The following NR3C2 variants were observed in gnomAD, a reference collection of about 807,000 sequenced individuals.
NR3C2 encodes mineralocorticoid receptor.
A neutral mutation model predicts 86.4 loss-of-function variants in NR3C2; 15 were observed. The observed-to-expected ratio is 0.17, with a 90% CI of 0.12 to 0.27. The LOEUF (loss-of-function observed/expected upper bound fraction) is 0.27, where lower values mean the gene tolerates loss of function less well. Among genes scored for constraint, NR3C2 ranks in the 10% least tolerant of loss-of-function variants. The pLI, the probability that NR3C2 is intolerant of heterozygous loss-of-function variation, is 1.00. For synonymous variants in NR3C2, 458 were observed against 450.5 expected, an observed-to-expected ratio of 1.02 and a Z score of -0.21; for missense variants, 960 against 1,195.6, an observed-to-expected ratio of 0.80 and a Z score of 2.91.
At chr4:148,136,055 T>C (rs1359169031) in intron 6 of NR3C2, among the ~76,000 whole-genome samples, 2 of 10,326 alleles carry the variant, frequency 1.9e-4, no homozygotes, top group Admixed American at 1.4e-3. Context: ...AGACTCCGTC[T>C]CAAAAAAAAA....
intron 2 of NR3C2, among the ~76,000 whole-genome samples, chr4:148,352,603 A>T (rs72656846): frequency 3.3e-5 from 5 of 152,158 alleles, no homozygotes; most frequent in Admixed American, 6.6e-5. Flanking sequence ...ATGAGACATC[A>T]TGTACATTTG....
chr4:148,307,170 C>CA lies in NR3C2; in HGVS notation c.1758-47054dup, dbSNP rs5862834. On this transcript the variant is annotated intron_variant, in intron 2 of 8. Transcript: ENST00000358102. Reference sequence around the variant, plus strand: ...ATATTACATTATTAGGTTAAAAATGCAAAAAAAAAACTTGGCAAAGAGAAA... The same window carrying CA: ...ATATTACATTATTAGGTTAAAAATGCAAAAAAAAAAACTTGGCAAAGAGAAA... Among the ~76,000 whole-genome samples the CA allele has an allele frequency of 2.1e-3, 320 of 150,702 alleles. 1 individual carries two copies. The highest frequency in any genetic ancestry group is 6.8e-3 in the Middle Eastern group (2 of 292).
chr4:148,090,991 G>T (rs897240731), intron 8 of NR3C2, among the ~76,000 whole-genome samples: 1 of 152,246 alleles, frequency 6.6e-6, no homozygotes, highest in Non-Finnish European at 1.5e-5. Context: ...AGTGGATGGG[G>T]GTGGTGTCAC....
At chr4:148,367,424 G>C (rs1355612) in intron 2 of NR3C2, among the ~76,000 whole-genome samples, 2,941 of 152,180 alleles carry the variant, frequency 0.019, 97 homozygotes, top group African/African-American at 0.068. Flanking sequence ...AGATTAAAAA[G>C]TTTAAAGGTA....
At chr4:148,093,802 A>G (rs1366716914) in intron 8 of NR3C2, among the ~76,000 whole-genome samples, 4 of 152,222 alleles carry the variant, frequency 2.6e-5, no homozygotes, top group African/African-American at 9.6e-5. Context: ...ATTCTTGGAT[A>G]TGGCACCAAA....
At chr4:148,432,804 G>T (rs566324872) in intron 2 of NR3C2, among the ~76,000 whole-genome samples, 1 of 152,196 alleles carries the variant, frequency 6.6e-6, no homozygotes, top group African/African-American at 2.4e-5. Flanking sequence ...CTGAACTCTA[G>T]AAAAACAACT....
At chr4:148,313,417 A>G (rs1217631345) in intron 2 of NR3C2, among the ~76,000 whole-genome samples, 1 of 152,202 alleles carries the variant, frequency 6.6e-6, no homozygotes, top group Non-Finnish European at 1.5e-5. Context: ...TATGTTCCAT[A>G]AGAGACCTTT....
chr4:148,193,145 C>T (rs1248465453), intron 4 of NR3C2, among the ~76,000 whole-genome samples: 1 of 152,232 alleles, frequency 6.6e-6, no homozygotes, highest in Non-Finnish European at 1.5e-5. Context: ...AGAGAGCTCC[C>T]AGGACCTTGC....
At chr4:148,363,506 C>CTTTTTTTTTTTT (rs58978966) in intron 2 of NR3C2, among the ~76,000 whole-genome samples, 1,186 of 110,650 alleles carry the variant, frequency 0.011, 89 homozygotes, top group African/African-American at 0.039. Flanking sequence ...TCATAGATCT[C>CTTTTTTTTTTTT]TTTTTTTTTT....
At chr4:148,312,441 T>G (rs1579139623) in intron 2 of NR3C2, among the ~76,000 whole-genome samples, 1 of 152,334 alleles carries the variant, frequency 6.6e-6, no homozygotes, top group East Asian at 1.9e-4. Flanking sequence ...AGGGCCTTTC[T>G]TTCCCTGCAG....
At chr4:148,111,955 A>T (rs933647568) in intron 8 of NR3C2, among the ~76,000 whole-genome samples, 2 of 152,160 alleles carry the variant, frequency 1.3e-5, no homozygotes, top group Admixed American at 1.3e-4. Context: ...AAAATTGTGG[A>T]CTTTAAATTT....
Position 148,266,471 on chromosome 4 carries a change from A to T in NR3C2, c.1758-6354T>A, listed in dbSNP as rs62332041. ...GTGCAAAGTCTCTGAGACAGGAATG[A>T]ATGCAACACATTCCAGAGAGAAAAA... On this transcript the variant is annotated intron_variant, in intron 2 of 8. Transcript: ENST00000358102. Among the ~76,000 whole-genome samples, 1,220 of 152,262 alleles carry T rather than the reference A, an allele frequency of 8.0e-3. 10 individuals are homozygous for T. The highest frequency in any genetic ancestry group is 0.015 in the Non-Finnish European group (995 of 68,006).
intron 8 of NR3C2, among the ~76,000 whole-genome samples, chr4:148,111,300 G>T (rs1186244912): frequency 4.6e-5 from 7 of 152,148 alleles, no homozygotes; most frequent in African/African-American, 1.7e-4. Flanking sequence ...TATTAGAATG[G>T]CTGAAAGTAA....
intron 2 of NR3C2, among the ~76,000 whole-genome samples, chr4:148,372,545 T>C (rs1746470887): frequency 1.3e-5 from 2 of 152,122 alleles, no homozygotes; most frequent in African/African-American, 2.4e-5. Context: ...ACATTTCCTA[T>C]TGGCAGCCAG....
rs568122702 is a variant in NR3C2, at chr4:148,227,639, G to T, written c.1897+32339C>A. Among the ~76,000 whole-genome samples the T allele has an allele frequency of 3.3e-5, 5 of 152,094 alleles. No homozygotes were observed. The South Asian group carries it at 1.0e-3, about 32-fold the overall frequency. The stretch of plus-strand genomic sequence containing the variant: ...CTCATTTCTTCTATATTTATTGATG[G>T]CATTGCACTGTAAGCTGTCCCTTTT... On this transcript the variant is annotated intron_variant, in intron 3 of 8. Coordinates refer to ENST00000358102, the MANE Select transcript of NR3C2 (RefSeq NM_000901.5).
intron 2 of NR3C2, among the ~76,000 whole-genome samples, chr4:148,351,166 GA>G: frequency 6.6e-6 from 1 of 152,090 alleles, no homozygotes; most frequent in African/African-American, 2.4e-5. Flanking sequence ...TTCTTTTTGA[GA>G]TGGAGTCTTG....
chr4:148,116,741 A>G (rs1732290625), intron 7 of NR3C2, among the ~76,000 whole-genome samples: 1 of 152,218 alleles, frequency 6.6e-6, no homozygotes, highest in Non-Finnish European at 1.5e-5. Flanking sequence ...AATTCAAAGT[A>G]CCAAGCTACT....
chr4:148,091,766 A>C (rs1165199446), intron 8 of NR3C2, among the ~76,000 whole-genome samples: 3 of 152,218 alleles, frequency 2.0e-5, no homozygotes, highest in Non-Finnish European at 4.4e-5. Context: ...CATACAAAGC[A>C]CTTGTACATC....
At chr4:148,266,830 A>C (rs572775158) in intron 2 of NR3C2, among the ~76,000 whole-genome samples, 2 of 152,324 alleles carry the variant, frequency 1.3e-5, no homozygotes, top group South Asian at 4.1e-4. Context: ...GTAGGGTAAA[A>C]GTGGTAAAGA....
Sources: gnomAD v4.1 joint callset for allele counts (sites outside exome capture counted in the v4.1 genomes callset) on GRCh38, gnomAD v4.1.1 for gene constraint, MANE v1.5 for transcripts, NCBI Gene and HGNC (gene_info 2026-07-23, HGNC 2026-07-21) for gene names.